TLNRD1: variants seen among roughly 807,000 people sequenced by gnomAD.
TLNRD1 encodes the protein talin rod domain containing 1.
Under a neutral mutation model 19.5 loss-of-function variants are expected in TLNRD1, and 14 were observed. The observed-to-expected ratio is 0.72, with a 90% CI of 0.47 to 1.12. The LOEUF (loss-of-function observed/expected upper bound fraction) is 1.12, where lower values mean the gene tolerates loss of function less well. TLNRD1 is among the 50% of genes most tolerant of loss of function. The pLI is 0.00. For missense variants in TLNRD1, 569 were observed against 531.9 expected (o/e 1.07, Z -0.69); for synonymous variants, 345 against 261.7 (o/e 1.32, Z -3.07).
chr15:81,002,508 G>A lies in TLNRD1; in HGVS notation c.237G>A (p.Arg79=), dbSNP rs771147747. ...GCGCCGAGTCCTTCGAGCAGTGCCG[G>A]GACACCATCATCGCGCGCACCAAGG... ...GAGAESFEQC[R]DTIIARTKGL... Residue 79 remains arginine (R), a synonymous_variant, in exon 1 of 1, where the codon CGG becomes CGA. Coordinates refer to ENST00000267984, the MANE Select transcript of TLNRD1 (RefSeq NM_022566.3). The A allele has an allele frequency of 6.7e-7, 1 of 1,484,792 alleles. No individual in the cohort carries two copies. Among genetic ancestry groups the A allele is most frequent in the South Asian group, 1.3e-5 (1 of 76,914 alleles). The allele number at this position is 1,484,792 out of a possible 1,614,324, so 92.0% of individuals were successfully genotyped here. A position where few individuals can be genotyped will look rare whatever the true frequency, so the allele number is the denominator to read the frequency against.
chr15:81,002,698 G>C lies in TLNRD1; in HGVS notation c.427G>C (p.Ala143Pro). Residue 143 changes from alanine to proline, a missense_variant, in exon 1 of 1, where the codon GCG (alanine) becomes CCG (proline). Ala to Pro is a conservative substitution (Grantham distance 27). Coordinates refer to ENST00000267984, the MANE Select transcript of TLNRD1 (RefSeq NM_022566.3). ...AAVATPGAQP[A>P]QPGLVDRYRV... ...TGTGGCCACGCCGGGCGCCCAGCCC[G>C]CGCAGCCGGGCCTGGTGGACCGCTA... 1 of 1,496,430 alleles carries C rather than the reference G, an allele frequency of 6.7e-7. No homozygotes were observed. The highest frequency in any genetic ancestry group is 1.3e-5 in the South Asian group (1 of 78,574). 92.7% of individuals were successfully genotyped at this position (1,496,430 alleles called of 1,614,324 possible).
rs1893462523 is a variant in TLNRD1 at position 81,004,098 on chromosome 15, T to A, written c.*738T>A. The A allele has an allele frequency of 6.0e-6, 1 of 167,066 alleles. No individual in the cohort carries two copies. The highest frequency in any genetic ancestry group is 6.5e-5 in the Admixed American group (1 of 15,282). The allele number at this position is 167,066 out of a possible 1,614,324, so 10.3% of individuals were successfully genotyped here. Reference sequence around the variant, plus strand: ...AGGGTCTGTGGGAAGGCTATTTCAATAGTAGTGAGGCGGGCCCCCAATTCC... The same window carrying A: ...AGGGTCTGTGGGAAGGCTATTTCAAAAGTAGTGAGGCGGGCCCCCAATTCC... On this transcript the variant is annotated 3_prime_UTR_variant, in exon 1 of 1. Coordinates refer to ENST00000267984, the MANE Select transcript of TLNRD1 (RefSeq NM_022566.3).
Position 81,002,649 on chromosome 15 carries a change from G to T in TLNRD1, c.378G>T (p.Ser126=). 1 of 1,471,264 alleles carries T rather than the reference G, an allele frequency of 6.8e-7. No individual in the cohort carries two copies. Among genetic ancestry groups the T allele is most frequent in the East Asian group, 2.5e-5 (1 of 39,936 alleles). The allele number at this position is 1,471,264 out of a possible 1,614,324, so 91.1% of individuals were successfully genotyped here. A position where few individuals can be genotyped will look rare whatever the true frequency, so the allele number is the denominator to read the frequency against. ...TGGTGGTGTCGCTGACCGAGTGCTC[G>T]GCCCACGCGGCCTATCTGGCCGCTG... ...GDLVVSLTEC[S]AHAAYLAAVA... Residue 126 remains serine, a synonymous_variant, in exon 1 of 1, where the codon TCG becomes TCT. Transcript: ENST00000267984.
chr15:81,002,613 G>C lies in TLNRD1; in HGVS notation c.342G>C (p.Glu114Asp). Residue 114 changes from glutamate to aspartate, a missense_variant, in exon 1 of 1, where the codon GAG (glutamate) becomes GAC (aspartate). Physicochemically the swap from Glu to Asp is conservative, Grantham distance 45. Coordinates refer to ENST00000267984, the MANE Select transcript of TLNRD1 (RefSeq NM_022566.3). ...GGGAGGCGGGGGACAGCCTGGTGGA[G>C]CTGGGCGACCTGGTGGTGTCGCTGA... is the stretch of plus-strand genomic sequence containing the variant. ...RFGEAGDSLV[E>D]LGDLVVSLTE... The C allele has an allele frequency of 6.7e-7, 1 of 1,483,068 alleles. No individual in the cohort carries two copies. The highest frequency in any genetic ancestry group is 8.9e-7 in the Non-Finnish European group (1 of 1,126,376). The allele number at this position is 1,483,068 out of a possible 1,614,324, so 91.9% of individuals were successfully genotyped here. A position where few individuals can be genotyped will look rare whatever the true frequency, so the allele number is the denominator to read the frequency against.
Position 81,002,536 on chromosome 15 carries a change from C to A in TLNRD1, c.265C>A (p.Leu89Ile), listed in dbSNP as rs749880685. 3 of 1,459,572 alleles carry A rather than the reference C, an allele frequency of 2.1e-6. No homozygotes were observed. The highest frequency in any genetic ancestry group is 4.8e-5 in the Admixed American group (2 of 41,414). The allele number at this position is 1,459,572 out of a possible 1,614,324, so 90.4% of individuals were successfully genotyped here. A position where few individuals can be genotyped will look rare whatever the true frequency, so the allele number is the denominator to read the frequency against. Residue 89 changes from leucine (L) to isoleucine (I), a missense_variant, in exon 1 of 1, where the codon CTC becomes ATC. Leu to Ile is a conservative substitution (Grantham distance 5). Coordinates refer to ENST00000267984, the MANE Select transcript of TLNRD1 (RefSeq NM_022566.3). ...CACCATCATCGCGCGCACCAAGGGG[C>A]TCTCCATCCTCACCCACGACGTGCA... The part of the protein sequence containing the change: ...RDTIIARTKG[L>I]SILTHDVQSQ...
rs995410400 is a variant in TLNRD1, at chr15:81,005,399, T to G, written c.*2039T>G. 4.2e-5 allele frequency: 7 copies of G among 167,110 alleles called. No individual in the cohort carries two copies. The highest frequency in any genetic ancestry group is 1.7e-4 in the African/African-American group (7 of 41,462). The allele number at this position is 167,110 out of a possible 1,614,324, so 10.4% of individuals were successfully genotyped here. On this transcript the variant is annotated 3_prime_UTR_variant, in exon 1 of 1. Coordinates refer to ENST00000267984, the MANE Select transcript of TLNRD1 (RefSeq NM_022566.3). Reference sequence around the variant, plus strand: ...CATATAGAAATTTTTATTTATTGAATGTACACAAGTAATGATGGAGTTTGA... The same window carrying G: ...CATATAGAAATTTTTATTTATTGAAGGTACACAAGTAATGATGGAGTTTGA...
In TLNRD1 at chr15:81,004,022, T is replaced by G. The variant is rs1349423702; in HGVS notation, c.*662T>G. 7 of 167,046 alleles carry G rather than the reference T, an allele frequency of 4.2e-5. No homozygotes were observed. The East Asian group carries it at 1.3e-3, about 32-fold the overall frequency. The allele number at this position is 167,046 out of a possible 1,614,324, so 10.3% of individuals were successfully genotyped here. On this transcript the variant is annotated 3_prime_UTR_variant, in exon 1 of 1. Coordinates refer to ENST00000267984, the MANE Select transcript of TLNRD1 (RefSeq NM_022566.3). Reference sequence around the variant, plus strand: ...TTCTCAGATGGCTTTTTGCAATTATTGTTGATTTTTCAATAATTGTAATTT... The same window carrying G: ...TTCTCAGATGGCTTTTTGCAATTATGGTTGATTTTTCAATAATTGTAATTT...
Position 81,003,444 on chromosome 15 carries a change from A to G in TLNRD1, c.*84A>G, listed in dbSNP as rs1032627978. The G allele has an allele frequency of 1.7e-5, 24 of 1,405,640 alleles. No individual in the cohort carries two copies. Among genetic ancestry groups the G allele is most frequent in the Middle Eastern group, 3.9e-4 (2 of 5,144 alleles). 87.1% of individuals were successfully genotyped at this position (1,405,640 alleles called of 1,614,324 possible). A position where few individuals can be genotyped will look rare whatever the true frequency, so the allele number is the denominator to read the frequency against. On this transcript the variant is annotated 3_prime_UTR_variant, in exon 1 of 1. Coordinates refer to ENST00000267984, the MANE Select transcript of TLNRD1 (RefSeq NM_022566.3). ...GCCCCTCTCCATTTATACCAAAGAA[A>G]TCATAGGTGAAACCCCCTACCCTCC...
rs753634782 is a variant in TLNRD1 at position 81,003,225 on chromosome 15, G to A, written c.954G>A (p.Lys318=). ...DLAQHPDGGA[K]MSDHRERLRN... ...CGCAGCACCCCGACGGGGGCGCCAA[G>A]ATGTCGGACCACAGGGAGAGGCTGA... The change falls in exon 1 of 1, where the codon AAG becomes AAA. Residue 318 remains lysine, a synonymous_variant. Coordinates refer to ENST00000267984, the MANE Select transcript of TLNRD1 (RefSeq NM_022566.3). 5 of 1,605,174 alleles carry A rather than the reference G, an allele frequency of 3.1e-6. No individual in the cohort carries two copies. In the East Asian group the frequency reaches 9.0e-5, roughly 29 times the overall value.
rs1035626266 is a variant in TLNRD1 at position 81,003,074 on chromosome 15, C to G, written c.803C>G (p.Pro268Arg). The G allele has an allele frequency of 3.9e-6, 6 of 1,549,518 alleles. No homozygotes were observed. The highest frequency in any genetic ancestry group is 4.3e-6 in the Non-Finnish European group (5 of 1,152,776). ...GCCCTGGTAGGCTTCGCCACCGAGC[C>G]GCAGTTCCTGGGTCGCGCGGCAGCT... ...VSALVGFATE[P>R]QFLGRAAAVS... Residue 268 changes from proline to arginine, a missense_variant, in exon 1 of 1, where the codon CCG (proline) becomes CGG (arginine). Transcript: ENST00000267984.
rs1251757381 is a variant in TLNRD1 at position 81,003,678 on chromosome 15, AAGG to A, written c.*322_*324del. 6.7e-6 allele frequency: 2 copies of A among 296,556 alleles called. No individual in the cohort carries two copies. Among genetic ancestry groups the A allele is most frequent in the Non-Finnish European group, 1.3e-5 (2 of 152,052 alleles). The allele number at this position is 296,556 out of a possible 1,614,324, so 18.4% of individuals were successfully genotyped here. A position where few individuals can be genotyped will look rare whatever the true frequency, so the allele number is the denominator to read the frequency against. ...CAACTAAATTTCATTATTGGGCAGG[AAGG>A]AGGTCATGGGTTCATTTCATTTTTG... On this transcript the variant is annotated 3_prime_UTR_variant, in exon 1 of 1. Coordinates refer to ENST00000267984, the MANE Select transcript of TLNRD1 (RefSeq NM_022566.3).
chr15:81,003,265 GC>G lies in TLNRD1; in HGVS notation c.996del (p.Val333CysfsTer12), dbSNP rs1567132778. 1 of 1,609,750 alleles carries G rather than the reference GC, an allele frequency of 6.2e-7. No individual in the cohort carries two copies. Among genetic ancestry groups the G allele is most frequent in the Non-Finnish European group, 8.5e-7 (1 of 1,178,692 alleles). On this transcript the variant is annotated frameshift_variant, in exon 1 of 1. Transcript: ENST00000267984. LOFTEE classifies it high-confidence loss of function. ...HRERLRNSAC[A>X]VSEGCTLLSQ... ...GGAGAGGCTGAGGAACTCGGCCTGC[GC>G]CGTGTCTGAAGGCTGCACCCTGCTA... is the stretch of plus-strand genomic sequence containing the variant.
Position 81,004,833 on chromosome 15 carries a change from T to C in TLNRD1, c.*1473T>C, listed in dbSNP as rs143845154. The C allele has an allele frequency of 1.8e-5, 3 of 167,190 alleles. No individual in the cohort carries two copies. The highest frequency in any genetic ancestry group is 7.2e-5 in the African/African-American group (3 of 41,564). The allele number at this position is 167,190 out of a possible 1,614,324, so 10.4% of individuals were successfully genotyped here. ...AGTTAAATTCTGAATATCTTCCCAC[T>C]AAAAGCACAACAAATCTATTTACAG... On this transcript the variant is annotated 3_prime_UTR_variant, in exon 1 of 1. Transcript: ENST00000267984.
chr15:81,002,424 G>C lies in TLNRD1; in HGVS notation c.153G>C (p.Leu51=), dbSNP rs762356938. 7.7e-6 allele frequency: 12 copies of C among 1,555,800 alleles called. No homozygotes were observed. In the African/African-American group the frequency reaches 1.7e-4, roughly 22 times the overall value. ...AGATGCAGCTGGTGGCTGACCTGCT[G>C]CTGCTGTCGAGCGAGGCGCGGCCCG... is the stretch of plus-strand genomic sequence containing the variant. ...KGKMQLVADL[L]LLSSEARPVL... The change falls in exon 1 of 1, where the codon CTG becomes CTC. Residue 51 remains leucine (L), a synonymous_variant. Coordinates refer to ENST00000267984, the MANE Select transcript of TLNRD1 (RefSeq NM_022566.3).
At position 81,002,596 on chromosome 15, in the gene TLNRD1, G is replaced by A; in HGVS notation, c.325G>A (p.Gly109Arg). ...QLNMGRFGEAGDSLVELGDLV... is the reference protein window; with the variant it reads ...QLNMGRFGEARDSLVELGDLV... Reference sequence around the variant, plus strand: ...CAACATGGGCCGCTTCGGGGAGGCGGGGGACAGCCTGGTGGAGCTGGGCGA... The same window carrying A: ...CAACATGGGCCGCTTCGGGGAGGCGAGGGACAGCCTGGTGGAGCTGGGCGA... Residue 109 changes from glycine to arginine, a missense_variant, in exon 1 of 1, where the codon GGG (glycine) becomes AGG (arginine). Physicochemically the swap from Gly to Arg is moderately radical, Grantham distance 125. Transcript: ENST00000267984. 1.4e-6 allele frequency: 2 copies of A among 1,476,646 alleles called. No individual in the cohort carries two copies. The highest frequency in any genetic ancestry group is 1.4e-5 in the South Asian group (1 of 73,626). The allele number at this position is 1,476,646 out of a possible 1,614,324, so 91.5% of individuals were successfully genotyped here.
rs372749156 is a variant in TLNRD1 at position 81,003,123 on chromosome 15, G to A, written c.852G>A (p.Val284=). The A allele has an allele frequency of 7.4e-5, 115 of 1,561,618 alleles. No homozygotes were observed. The African/African-American group carries it at 1.5e-3, about 20-fold the overall frequency. ...AAAVSAEGKA[V]QTAILGGAMS... is the part of the protein sequence containing the mutation. ...CTGTGAGCGCCGAGGGCAAGGCGGT[G>A]CAGACCGCCATCCTGGGCGGCGCCA... The change falls in exon 1 of 1, where the codon GTG becomes GTA. Residue 284 remains valine, a synonymous_variant. Coordinates refer to ENST00000267984, the MANE Select transcript of TLNRD1 (RefSeq NM_022566.3).
rs894457635 is a variant in TLNRD1, at chr15:81,001,452, CCGGGCGTGTGGCGGG to C, written c.-813_-799del. ...GGGGCCGCCGTGGTGCTCGGCACGC[CCGGGCGTGTGGCGGG>C]CGGGCGAGAGCTTGAGCGCGATCCG... is the stretch of plus-strand genomic sequence containing the variant. On this transcript the variant is annotated 5_prime_UTR_variant, in exon 1 of 1. Transcript: ENST00000267984. 1 of 151,314 alleles carries C rather than the reference CCGGGCGTGTGGCGGG, an allele frequency of 6.6e-6. No homozygotes were observed. The highest frequency in any genetic ancestry group is 1.5e-5 in the Non-Finnish European group (1 of 67,804). The allele number at this position is 151,314 out of a possible 1,614,324, so 9.4% of individuals were successfully genotyped here.
In TLNRD1 at chr15:81,004,558, CCTAGA is replaced by C. The variant is rs1893467948; in HGVS notation, c.*1201_*1205del. 5 of 167,076 alleles carry C rather than the reference CCTAGA, an allele frequency of 3.0e-5. No individual in the cohort carries two copies. In the South Asian group the frequency reaches 1.0e-3, roughly 35 times the overall value. The allele number at this position is 167,076 out of a possible 1,614,324, so 10.3% of individuals were successfully genotyped here. On this transcript the variant is annotated 3_prime_UTR_variant, in exon 1 of 1. Coordinates refer to ENST00000267984, the MANE Select transcript of TLNRD1 (RefSeq NM_022566.3). ...ATTTCAGAAAAAATATAGAGAGGGT[CCTAGA>C]CTGCTTAATAGAGGAAAGAAGTATC...
rs376285097 is a variant in TLNRD1 at position 81,003,474 on chromosome 15, C to A, written c.*114C>A. 2.5e-6 allele frequency: 3 copies of A among 1,178,410 alleles called. No homozygotes were observed. Among genetic ancestry groups the A allele is most frequent in the East Asian group, 2.6e-5 (1 of 38,564 alleles). 73.0% of individuals were successfully genotyped at this position (1,178,410 alleles called of 1,614,324 possible). On this transcript the variant is annotated 3_prime_UTR_variant, in exon 1 of 1. Transcript: ENST00000267984. ...AGGTGAAACCCCCTACCCTCCCCAA[C>A]GTTAAATGCTCGAGAGGAATCTTCC... is the stretch of plus-strand genomic sequence containing the variant.
Sources: gnomAD v4.1 joint callset for allele counts on GRCh38, gnomAD v4.1.1 for gene constraint, MANE v1.5 for transcripts, NCBI Gene and HGNC (gene_info 2026-07-23, HGNC 2026-07-21) for gene names.